The following PCSK6 variants were observed in gnomAD, a reference collection of about 807,000 sequenced individuals.
PCSK6 encodes the protein proprotein convertase subtilisin/kexin type 6, also known as paired basic amino acid cleaving enzyme 4.
Under a neutral mutation model 123.3 loss-of-function variants are expected in PCSK6, and 85 were observed. The observed-to-expected ratio is 0.69, with a 90% confidence interval of 0.58 to 0.83. PCSK6 has a LOEUF of 0.83. Ranked by LOEUF, PCSK6 falls within the 40% of genes least tolerant of loss-of-function variation. The probability of loss-of-function intolerance (pLI) is 0.00; values close to 1 mark genes in which losing one functional copy is unlikely to be tolerated. For synonymous variants in PCSK6, 508 were observed against 516.0 expected, an observed-to-expected ratio of 0.98 and a Z score of 0.21; for missense variants, 1,191 against 1,282.3, an observed-to-expected ratio of 0.93 and a Z score of 1.09.
rs2042667011 is a variant in PCSK6, at chr15:101,403,425, A to T, written c.824-4849T>A. The stretch of plus-strand genomic sequence containing the variant: ...ACCCTAAAACTTAAAGTATAATAAT[A>T]ATTAAAAAAAAAGAGAGAGAAAAAA... On this transcript the variant is annotated intron_variant, in intron 6 of 21. Transcript: ENST00000611716. Among the ~76,000 whole-genome samples the T allele has an allele frequency of 3.3e-5, 3 of 90,062 alleles. 1 individual carries two copies. The highest frequency in any genetic ancestry group is 9.5e-3 in the Middle Eastern group (2 of 210). 59.1% of individuals were successfully genotyped at this position (90,062 alleles called of 152,430 possible).
At chr15:101,383,358 C>T (rs1271068100) in intron 10 of PCSK6, among the ~76,000 whole-genome samples, 3 of 141,256 alleles carry the variant, frequency 2.1e-5, no homozygotes, top group Admixed American at 7.7e-5. Flanking sequence ...TGCAGTGAGC[C>T]GAGATCGTGC....
In PCSK6 at chr15:101,426,860, C is replaced by T. The variant is rs112706129; in HGVS notation, c.823+1032G>A. 1.1e-3 allele frequency among the ~76,000 whole-genome samples: 172 copies of T among 149,750 alleles called. 2 individuals are homozygous for T. Among genetic ancestry groups the T allele is most frequent in the African/African-American group, 4.1e-3 (162 of 39,288 alleles). ...GGCTGCAGGCACCCTCACCAAGGCT[C>T]AGTGGCAGGATGGCAGTGCCCCCCC... is the stretch of plus-strand genomic sequence containing the variant. On this transcript the variant is annotated intron_variant, in intron 6 of 21. Transcript: ENST00000611716.
chr15:101,367,989 TA>T (rs2041451864), intron 12 of PCSK6, among the ~76,000 whole-genome samples: 1 of 152,224 alleles, frequency 6.6e-6, no homozygotes. Flanking sequence ...CACGCCCAGC[TA>T]ATTTTTGTAT....
At chr15:101,420,347 T>C (rs2056044374) in intron 6 of PCSK6, among the ~76,000 whole-genome samples, 1 of 152,054 alleles carries the variant, frequency 6.6e-6, no homozygotes, top group Admixed American at 6.6e-5. Context: ...GATGAACAAA[T>C]GTGACATCAT....
At chr15:101,430,463 G>A (rs1317243563) in intron 4 of PCSK6, among the ~76,000 whole-genome samples, 1 of 152,180 alleles carries the variant, frequency 6.6e-6, no homozygotes, top group African/African-American at 2.4e-5. Flanking sequence ...GGCAGTATTT[G>A]TCCTTTTGTG....
At chr15:101,426,057 T>G (rs2056245568) in intron 6 of PCSK6, among the ~76,000 whole-genome samples, 1 of 152,190 alleles carries the variant, frequency 6.6e-6, no homozygotes, top group Non-Finnish European at 1.5e-5. Context: ...GAGGATGCCA[T>G]GCTCAAAGTC....
intron 13 of PCSK6, among the ~76,000 whole-genome samples, chr15:101,337,790 T>C (rs1194834447): frequency 2.6e-5 from 4 of 152,244 alleles, no homozygotes; most frequent in East Asian, 1.9e-4. Context: ...AGGTACTCAA[T>C]AAATGTTTGC....
At chr15:101,402,351 T>C (rs558768054) in intron 6 of PCSK6, among the ~76,000 whole-genome samples, 10 of 149,808 alleles carry the variant, frequency 6.7e-5, no homozygotes, top group Admixed American at 3.3e-4. Context: ...ATTCAGGACA[T>C]AGGCATGGGC....
In PCSK6 at chr15:101,435,385, G is replaced by T. The variant is rs561611779; in HGVS notation, c.403-3285C>A. On this transcript the variant is annotated intron_variant, in intron 2 of 21. Coordinates refer to ENST00000611716, the MANE Select transcript of PCSK6 (RefSeq NM_002570.5). Reference sequence around the variant, plus strand: ...AAATGACTGCTAGATGACATCTGTTGACTTTTCTTGTGGAAAATCAACTAT... The same window carrying T: ...AAATGACTGCTAGATGACATCTGTTTACTTTTCTTGTGGAAAATCAACTAT... 2.0e-5 allele frequency among the ~76,000 whole-genome samples: 3 copies of T among 152,258 alleles called. No individual in the cohort carries two copies. The South Asian group carries it at 6.2e-4, about 32-fold the overall frequency.
chr15:101,351,208 G>A (rs1048624062), intron 13 of PCSK6, among the ~76,000 whole-genome samples: 7 of 152,178 alleles, frequency 4.6e-5, no homozygotes, highest in Non-Finnish European at 1.0e-4. Flanking sequence ...ATCGACAAAT[G>A]CTACAAACAA....
chr15:101,432,216 T>C, intron 2 of PCSK6, 116 bp from the exon 3 acceptor site: 1 of 824,988 alleles, frequency 1.2e-6, no homozygotes, highest in Non-Finnish European at 2.0e-6. Context: ...ATAGCAGATA[T>C]TTTAGATGGT....
chr15:101,356,745 T>C (rs1434574697), intron 13 of PCSK6, among the ~76,000 whole-genome samples: 1 of 151,884 alleles, frequency 6.6e-6, no homozygotes, highest in Non-Finnish European at 1.5e-5. Flanking sequence ...CAGGAATAAA[T>C]GAAGAGCTGT....
chr15:101,361,389 C>T (rs369536240), intron 13 of PCSK6, among the ~76,000 whole-genome samples: 3 of 61,202 alleles, frequency 4.9e-5, no homozygotes, highest in African/African-American at 3.1e-4. Flanking sequence ...TCCCCATTCT[C>T]ATCCCCTGCC....
In PCSK6 at chr15:101,398,606, C is replaced by T. The variant is rs755148280; in HGVS notation, c.824-30G>A. 6 of 1,591,266 alleles carry T rather than the reference C, an allele frequency of 3.8e-6. No homozygotes were observed. The highest frequency in any genetic ancestry group is 2.2e-5 in the South Asian group (2 of 90,272). On this transcript the variant is annotated intron_variant, in intron 6 of 21. Transcript: ENST00000611716. This position sits in a 1 kb window ranked among gnomAD's most constrained non-coding sequence, Gnocchi z 4.6. ...AAGCACAGAGGAGGCTCGGTGTCGG[C>T]GCCCAGGCTCCGGGCACACAGCGAC...
At chr15:101,377,144 T>C (rs3784496) in intron 11 of PCSK6, among the ~76,000 whole-genome samples, 32,460 of 152,274 alleles carry the variant, frequency 0.21, 6,841 homozygotes, top group African/African-American at 0.54. Context: ...GCTGGGCTCC[T>C]GGCCTCACCA....
At chr15:101,375,018 T>C (rs1055703802) in intron 11 of PCSK6, among the ~76,000 whole-genome samples, 1 of 151,984 alleles carries the variant, frequency 6.6e-6, no homozygotes, top group East Asian at 1.9e-4. Flanking sequence ...AGTGGTGCTA[T>C]CTCAGCTTAC....
At chr15:101,441,197 T>A (rs186230510) in intron 2 of PCSK6, among the ~76,000 whole-genome samples, 3 of 152,294 alleles carry the variant, frequency 2.0e-5, no homozygotes, top group Admixed American at 2.0e-4. Context: ...GAAGTCTCTA[T>A]CCTTCCTTCT....
At chr15:101,373,388 A>C (rs2041641770) in intron 11 of PCSK6, among the ~76,000 whole-genome samples, 1 of 152,202 alleles carries the variant, frequency 6.6e-6, no homozygotes, top group African/African-American at 2.4e-5. Context: ...TTAACTGCTA[A>C]ATCACTCAGT....
rs75451460 is a variant in PCSK6, at chr15:101,432,134, G to A, written c.403-34C>T. ...AGAAATGCAATTACTGTTTATATTA[G>A]AAATGATTTCTTGATTTTATGTAGC... On this transcript the variant is annotated intron_variant, in intron 2 of 21. Transcript: ENST00000611716. 1.5e-3 allele frequency: 2,261 copies of A among 1,546,170 alleles called. 40 individuals carry two copies. The African/African-American group carries it at 0.028, about 19-fold the overall frequency.
Sources: allele counts gnomAD v4.1 joint callset (sites outside exome capture counted in the v4.1 genomes callset), GRCh38; gene constraint gnomAD v4.1.1; non-coding constraint Gnocchi (gnomAD v3.1); transcripts MANE v1.5; gene names NCBI Gene and HGNC (gene_info 2026-07-23, HGNC 2026-07-21).